The following MTA3 variants were observed in gnomAD, a reference collection of about 807,000 sequenced individuals.
The protein encoded by MTA3 is metastasis-associated protein MTA3.
A neutral mutation model predicts 83.5 loss-of-function variants in MTA3; 34 were observed. That is an observed-to-expected ratio of 0.41 (90% CI 0.31 to 0.54). MTA3 has a LOEUF of 0.54. Among genes scored for constraint, MTA3 ranks in the 20% least tolerant of loss-of-function variants. The probability of loss-of-function intolerance (pLI) is 0.33; values close to 1 mark genes in which losing one functional copy is unlikely to be tolerated. For synonymous variants in MTA3, 303 were observed against 252.7 expected, an observed-to-expected ratio of 1.20 and a Z score of -1.89; for missense variants, 761 against 726.4, an observed-to-expected ratio of 1.05 and a Z score of -0.55.
chr2:42,672,303 G>C (rs1214544197), intron 8 of MTA3, among the ~76,000 whole-genome samples: 1 of 150,662 alleles, frequency 6.6e-6, no homozygotes, highest in Non-Finnish European at 1.5e-5. Flanking sequence ...CCAGGAGTTT[G>C]AGACCAGCCT....
At chr2:42,503,530 C>A (rs1490501603) in intron 2 of MTA3, among the ~76,000 whole-genome samples, 1 of 152,164 alleles carries the variant, frequency 6.6e-6, no homozygotes, top group Admixed American at 6.6e-5. Flanking sequence ...TGGAGTTGCT[C>A]TGGTTCAAAC....
intron 5 of MTA3, among the ~76,000 whole-genome samples, chr2:42,643,831 A>G (rs1489609132): frequency 1.3e-5 from 2 of 152,194 alleles, no homozygotes; most frequent in African/African-American, 4.8e-5. Context: ...TAATTTTGCT[A>G]GCTCTTGAAA....
At chr2:42,611,286 G>C (rs1157860453) in intron 4 of MTA3, among the ~76,000 whole-genome samples, 1 of 150,144 alleles carries the variant, frequency 6.7e-6, no homozygotes, top group Non-Finnish European at 1.5e-5. Context: ...CCCAGCTGAG[G>C]TTTGTAGACT....
intron 2 of MTA3, among the ~76,000 whole-genome samples, chr2:42,535,149 G>A (rs1376606570): frequency 2.0e-5 from 3 of 152,188 alleles, no homozygotes; most frequent in Non-Finnish European, 4.4e-5. Context: ...CACTTTGGGA[G>A]GCAGAGGCAG....
rs1459042176 is a variant in MTA3, at chr2:42,709,063, G to A, written c.1492G>A (p.Val498Ile). 1 of 1,611,034 alleles carries A rather than the reference G, an allele frequency of 6.2e-7. No individual in the cohort carries two copies. The highest frequency in any genetic ancestry group is 1.1e-5 in the South Asian group (1 of 90,864). Residue 498 changes from valine (V) to isoleucine (I), a missense_variant, in exon 14 of 17, where the codon GTT (valine) becomes ATT (isoleucine). Transcript: ENST00000405094. ...GCGGCAGGCAGCAAGACGGCCGTTT[G>A]TTGCTATTAATTATGCTGCCATTAG... Reference protein sequence around the residue: ...RLRQAARRPFVAINYAAIRAE... With the variant: ...RLRQAARRPFIAINYAAIRAE...
At chr2:42,637,029 A>C (rs921263257) in intron 4 of MTA3, among the ~76,000 whole-genome samples, 2 of 152,196 alleles carry the variant, frequency 1.3e-5, no homozygotes, top group Non-Finnish European at 2.9e-5. Context: ...TATGGGACAT[A>C]CCATTAAGCA....
At chr2:42,623,024 A>C (rs1685731898) in intron 4 of MTA3, among the ~76,000 whole-genome samples, 1 of 152,226 alleles carries the variant, frequency 6.6e-6, no homozygotes, top group Non-Finnish European at 1.5e-5. Context: ...GTTTATGACA[A>C]AGTCTCCATG....
chr2:42,598,513 T>A (rs1441711632), intron 3 of MTA3, among the ~76,000 whole-genome samples: 1 of 152,204 alleles, frequency 6.6e-6, no homozygotes, highest in South Asian at 2.1e-4. Flanking sequence ...ACCCTCTGTA[T>A]TTTTTGGTTG....
intron 8 of MTA3, among the ~76,000 whole-genome samples, chr2:42,676,235 A>G (rs1004263959): frequency 3.9e-5 from 6 of 152,276 alleles, no homozygotes; most frequent in Non-Finnish European, 8.8e-5. Flanking sequence ...AACAATGAAT[A>G]TAATCATTTT....
intron 11 of MTA3, 184 bp from the exon 12 acceptor site, chr2:42,704,010 G>A (rs1329293416): frequency 3.7e-5 from 22 of 588,624 alleles, no homozygotes; most frequent in South Asian, 6.8e-5. Context: ...TCATAGACTC[G>A]TTTTATAAAG....
chr2:42,497,785 T>C (rs1016640111), intron 2 of MTA3, among the ~76,000 whole-genome samples: 2 of 152,176 alleles, frequency 1.3e-5, no homozygotes, highest in African/African-American at 2.4e-5. Flanking sequence ...GAAGGTGGTA[T>C]ATAGCTCAGT....
At chr2:42,644,104 A>G (rs374663412) in intron 5 of MTA3, 23 bp from the exon 6 acceptor site, 10 of 1,393,600 alleles carry the variant, frequency 7.2e-6, no homozygotes, top group East Asian at 2.3e-5. Context: ...AAGTATACCT[A>G]TGTATTTTGT....
intron 3 of MTA3, among the ~76,000 whole-genome samples, chr2:42,603,259 T>A (rs1171485150): frequency 6.6e-6 from 1 of 152,138 alleles, no homozygotes; most frequent in Non-Finnish European, 1.5e-5. Context: ...GAGGCCTTTT[T>A]ATCAAAACGG....
chr2:42,640,281 C>A, intron 5 of MTA3, 45 bp downstream of exon 5: 1 of 1,310,226 alleles, frequency 7.6e-7, no homozygotes, highest in Non-Finnish European at 1.1e-6. Context: ...CCCTTTATTT[C>A]ACATGAAGCT....
intron 4 of MTA3, among the ~76,000 whole-genome samples, chr2:42,616,315 G>A (rs1321727538): frequency 1.3e-5 from 2 of 151,376 alleles, no homozygotes; most frequent in Non-Finnish European, 2.9e-5. Flanking sequence ...TGCCTGCTTT[G>A]GCCTCCCAAA....
intron 16 of MTA3, among the ~76,000 whole-genome samples, chr2:42,740,300 C>T (rs1668935839): frequency 2.0e-5 from 3 of 152,190 alleles, no homozygotes; most frequent in African/African-American, 7.2e-5. Flanking sequence ...TGCTTGAGTC[C>T]AGAAGTTCAA....
At chr2:42,519,771 C>G (rs923347109) in intron 2 of MTA3, among the ~76,000 whole-genome samples, 1 of 152,050 alleles carries the variant, frequency 6.6e-6, no homozygotes, top group Admixed American at 6.5e-5. Context: ...TAACCAGGGC[C>G]GGTTACGGTG....
intron 16 of MTA3, among the ~76,000 whole-genome samples, chr2:42,725,986 C>T (rs2104550545): frequency 6.6e-6 from 1 of 152,286 alleles, no homozygotes; most frequent in Non-Finnish European, 1.5e-5. Flanking sequence ...CCTATGTCCA[C>T]AGGGTATAGG....
chr2:42,733,748 C>G (rs1668402369), intron 16 of MTA3, among the ~76,000 whole-genome samples: 1 of 152,164 alleles, frequency 6.6e-6, no homozygotes, highest in African/African-American at 2.4e-5. Flanking sequence ...ATCCTCCTGA[C>G]TCAGGTTTCC....
Sources: gnomAD v4.1 joint callset for allele counts (sites outside exome capture counted in the v4.1 genomes callset) on GRCh38, gnomAD v4.1.1 for gene constraint, MANE v1.5 for transcripts, NCBI Gene and HGNC (gene_info 2026-07-23, HGNC 2026-07-21) for gene names.